The following LRRC1 variants were observed in gnomAD, a reference collection of about 807,000 sequenced individuals.
LRRC1 encodes leucine rich repeat containing 1.
In LRRC1, 28 loss-of-function variants were observed where a neutral mutation model predicts 69.9. That is an observed-to-expected ratio of 0.40 (90% CI 0.30 to 0.55). The LOEUF (loss-of-function observed/expected upper bound fraction) is 0.55, where lower values mean the gene tolerates loss of function less well. Among genes scored for constraint, LRRC1 ranks in the 20% least tolerant of loss-of-function variants. The probability of loss-of-function intolerance (pLI) is 0.47; values close to 1 mark genes in which losing one functional copy is unlikely to be tolerated. For missense variants in LRRC1, 498 were observed against 609.0 expected (o/e 0.82, Z 1.92); for synonymous variants, 236 against 240.2 (o/e 0.98, Z 0.16).
intron 4 of LRRC1, among the ~76,000 whole-genome samples, chr6:53,894,398 C>T (rs1261460264): frequency 6.6e-6 from 1 of 152,220 alleles, no homozygotes; most frequent in East Asian, 1.9e-4. Context: ...GCTGTGGAAA[C>T]TTGGCATAAC....
intron 1 of LRRC1, among the ~76,000 whole-genome samples, chr6:53,839,726 T>C (rs1765712075): frequency 6.6e-6 from 1 of 152,198 alleles, no homozygotes; most frequent in Admixed American, 6.5e-5. Flanking sequence ...AATATAGATA[T>C]TATAATGTTA....
Position 53,795,366 on chromosome 6 carries a change from G to A in LRRC1, c.110G>A (p.Ser37Asn). Residue 37 changes from serine to asparagine, a missense_variant, in exon 1 of 14, where the codon AGC (serine) becomes AAC (asparagine). Ser to Asn is a conservative substitution (Grantham distance 46). This residue lies in a region of LRRC1 where 70 missense variants were observed against 62.1 expected (regional missense o/e 1.13). Coordinates refer to ENST00000370888, the MANE Select transcript of LRRC1 (RefSeq NM_018214.5). ...VPEEIYRYAR[S>N]LEELLLDANQ... ...GAGGAGATCTACCGCTATGCCCGGA[G>A]CCTGGAGGAGCTGCTGCTGGACGCC... 6.2e-7 allele frequency: 1 copy of A among 1,613,764 alleles called. No homozygotes were observed. The highest frequency in any genetic ancestry group is 8.5e-7 in the Non-Finnish European group (1 of 1,179,998).
At chr6:53,911,440 A>G (rs565865124) in intron 10 of LRRC1, among the ~76,000 whole-genome samples, 1 of 152,358 alleles carries the variant, frequency 6.6e-6, no homozygotes, top group African/African-American at 2.4e-5. Flanking sequence ...GGCAGTGGAC[A>G]GCTTCAAGAC....
At chr6:53,909,400 G>A (rs1327815597) in intron 10 of LRRC1, among the ~76,000 whole-genome samples, 1 of 152,190 alleles carries the variant, frequency 6.6e-6, no homozygotes, top group Non-Finnish European at 1.5e-5. Context: ...AAATAACTAT[G>A]TGGTCCATAA....
chr6:53,806,361 C>T (rs1222093692), intron 1 of LRRC1, among the ~76,000 whole-genome samples: 1 of 152,078 alleles, frequency 6.6e-6, no homozygotes, highest in East Asian at 1.9e-4. Context: ...TGGCTTTGAA[C>T]CAGACCTGTG....
chr6:53,882,700 C>T (rs1177889034), intron 3 of LRRC1, among the ~76,000 whole-genome samples, 187 bp from the exon 4 acceptor site: 4 of 152,030 alleles, frequency 2.6e-5, no homozygotes, highest in African/African-American at 7.3e-5. Flanking sequence ...ATTATGTATA[C>T]GAAGTCTTGT....
chr6:53,868,516 G>A (rs577593946), intron 2 of LRRC1, among the ~76,000 whole-genome samples: 1 of 152,236 alleles, frequency 6.6e-6, no homozygotes, highest in East Asian at 1.9e-4. Flanking sequence ...GTGAGCCACT[G>A]TGCCCAGCCA....
intron 7 of LRRC1, among the ~76,000 whole-genome samples, chr6:53,898,936 G>T (rs1199265561): frequency 2.0e-5 from 3 of 152,188 alleles, no homozygotes; most frequent in Non-Finnish European, 4.4e-5. Flanking sequence ...ACGAGAACTG[G>T]CTGTGTTTCA....
chr6:53,862,225 T>A (rs1247000546), intron 2 of LRRC1, among the ~76,000 whole-genome samples: 1 of 152,070 alleles, frequency 6.6e-6, no homozygotes, highest in Non-Finnish European at 1.5e-5. Context: ...TGAATACAAC[T>A]TTTTTCCCCT....
At chr6:53,802,392 C>T (rs760817409) in intron 1 of LRRC1, among the ~76,000 whole-genome samples, 1 of 152,216 alleles carries the variant, frequency 6.6e-6, no homozygotes, top group Non-Finnish European at 1.5e-5. Flanking sequence ...TTCCCATCTG[C>T]TGCTCTTTCT....
chr6:53,864,444 G>A (rs1766630178), intron 2 of LRRC1, among the ~76,000 whole-genome samples: 1 of 152,098 alleles, frequency 6.6e-6, no homozygotes, highest in Non-Finnish European at 1.5e-5. Flanking sequence ...CAATGTATCT[G>A]GAGCTGATCA....
intron 4 of LRRC1, among the ~76,000 whole-genome samples, chr6:53,894,348 G>A (rs928489444): frequency 5.9e-5 from 9 of 152,140 alleles, no homozygotes; most frequent in African/African-American, 1.9e-4. Context: ...CTCCCCCTTG[G>A]CTCTGGTCTA....
At chr6:53,872,247 T>C (rs2127427433) in intron 2 of LRRC1, among the ~76,000 whole-genome samples, 1 of 152,298 alleles carries the variant, frequency 6.6e-6, no homozygotes, top group South Asian at 2.1e-4. Flanking sequence ...TGAGTGGATT[T>C]ATTTCTGTTT....
At chr6:53,839,326 C>CA (rs1207807882) in intron 1 of LRRC1, among the ~76,000 whole-genome samples, 2 of 151,322 alleles carry the variant, frequency 1.3e-5, no homozygotes, top group East Asian at 1.9e-4. Flanking sequence ...TTTTTACCAA[C>CA]AAAAAAAAGA....
At chr6:53,831,186 A>G (rs1412497340) in intron 1 of LRRC1, among the ~76,000 whole-genome samples, 1 of 152,014 alleles carries the variant, frequency 6.6e-6, no homozygotes, top group East Asian at 1.9e-4. Context: ...TAATTGGATC[A>G]TTGTATTTCT....
At chr6:53,895,437 G>A (rs899393838) in intron 4 of LRRC1, among the ~76,000 whole-genome samples, 13 of 152,144 alleles carry the variant, frequency 8.5e-5, no homozygotes, top group African/African-American at 2.7e-4. Context: ...TAGTACACGT[G>A]ATTCTGGCTT....
At chr6:53,899,708 G>T (rs1767985310) in intron 7 of LRRC1, 39 bp from the exon 8 acceptor site, 2 of 1,606,660 alleles carry the variant, frequency 1.2e-6, no homozygotes, top group Non-Finnish European at 1.7e-6. Flanking sequence ...ACTGTGGCAG[G>T]TTTAAGTGTG....
intron 1 of LRRC1, among the ~76,000 whole-genome samples, chr6:53,798,461 C>T (rs1052304178): frequency 1.3e-5 from 2 of 152,240 alleles, no homozygotes; most frequent in Non-Finnish European, 2.9e-5. Context: ...TCACTGCAAG[C>T]TCCTCCTTCT....
chr6:53,808,369 A>T (rs528070241), intron 1 of LRRC1, among the ~76,000 whole-genome samples: 1 of 152,148 alleles, frequency 6.6e-6, no homozygotes, highest in South Asian at 2.1e-4. Flanking sequence ...GCAGTATAGG[A>T]ACTGCAAAGT....
Sources: allele counts gnomAD v4.1 joint callset (sites outside exome capture counted in the v4.1 genomes callset), GRCh38; gene constraint gnomAD v4.1.1; regional missense constraint gnomAD v4.1.1; transcripts MANE v1.5; gene names NCBI Gene and HGNC (gene_info 2026-07-23, HGNC 2026-07-21).